Variants in PRDM16 observed in about 807,000 individuals in gnomAD.
PRDM16 encodes the protein PR/SET domain 16.
Under a neutral mutation model 110.6 loss-of-function variants are expected in PRDM16, and 23 were observed. That is an observed-to-expected ratio of 0.21 (90% confidence interval 0.15 to 0.29). The LOEUF is 0.29. PRDM16 is among the 10% of genes least tolerant of loss of function. PRDM16 has a pLI of 1.00. For missense variants in PRDM16, 1,615 were observed against 1,794.3 expected (o/e 0.90, Z 1.81); for synonymous variants, 799 against 781.8 (o/e 1.02, Z -0.37).
intron 3 of PRDM16, among the ~76,000 whole-genome samples, chr1:3,270,513 G>A (rs1340788372): frequency 6.6e-6 from 1 of 151,782 alleles, no homozygotes; most frequent in African/African-American, 2.4e-5. Context: ...CAGTCCCGGG[G>A]GAGGACAATC....
intron 1 of PRDM16, among the ~76,000 whole-genome samples, chr1:3,075,867 G>A (rs1641886660): frequency 6.6e-6 from 1 of 152,210 alleles, no homozygotes; most frequent in Non-Finnish European, 1.5e-5. Flanking sequence ...AGGCTCATCT[G>A]CGATCCACCT....
intron 1 of PRDM16, among the ~76,000 whole-genome samples, chr1:3,178,869 G>A (rs961120144): frequency 1.3e-4 from 20 of 152,148 alleles, no homozygotes; most frequent in African/African-American, 2.9e-4. Flanking sequence ...GGCTGCTGGC[G>A]GGGACTCCAC....
At chr1:3,283,385 T>TCTCCCTCC (rs1036886551) in intron 3 of PRDM16, among the ~76,000 whole-genome samples, 1 of 151,858 alleles carries the variant, frequency 6.6e-6, no homozygotes, top group African/African-American at 2.4e-5. Context: ...TCTGTCCCTC[T>TCTCCCTCC]CTCCCTCCCT....
intron 1 of PRDM16, among the ~76,000 whole-genome samples, chr1:3,091,819 C>T (rs1470531251): frequency 3.9e-5 from 6 of 152,188 alleles, no homozygotes; most frequent in African/African-American, 1.4e-4. Context: ...CCCCCACTTG[C>T]CCCGACTCTG....
At chr1:3,168,563 G>A (rs1643988452) in intron 1 of PRDM16, among the ~76,000 whole-genome samples, 1 of 148,034 alleles carries the variant, frequency 6.8e-6, no homozygotes, top group Non-Finnish European at 1.5e-5. Context: ...AAATGGACCC[G>A]CAGCTATTCC....
intron 1 of PRDM16, among the ~76,000 whole-genome samples, chr1:3,085,302 C>T (rs1030091214): frequency 1.3e-5 from 2 of 152,200 alleles, no homozygotes; most frequent in Non-Finnish European, 2.9e-5. Flanking sequence ...GCTTGCTGGG[C>T]TGGGATCATC....
chr1:3,373,997 G>T (rs1319298345), intron 3 of PRDM16, among the ~76,000 whole-genome samples: 1 of 152,212 alleles, frequency 6.6e-6, no homozygotes, highest in Non-Finnish European at 1.5e-5. Context: ...GGCCTGCTTC[G>T]GTGTCCTCCT....
intron 1 of PRDM16, among the ~76,000 whole-genome samples, chr1:3,095,043 C>T (rs938363971): frequency 7.2e-5 from 11 of 152,224 alleles, no homozygotes; most frequent in African/African-American, 9.6e-5. Flanking sequence ...GCCTACTCCC[C>T]GGTTGGGGAG....
At chr1:3,277,493 C>T (rs1287927883) in intron 3 of PRDM16, among the ~76,000 whole-genome samples, 1 of 152,256 alleles carries the variant, frequency 6.6e-6, no homozygotes, top group Admixed American at 6.5e-5. Context: ...TCTGTGAAGA[C>T]AGGATCCCAG....
chr1:3,353,865 C>G lies in PRDM16; in HGVS notation c.439-31287C>G, dbSNP rs1642541777. Among the ~76,000 whole-genome samples, 1 of 152,078 alleles carries G rather than the reference C, an allele frequency of 6.6e-6. No homozygotes were observed. Among genetic ancestry groups the G allele is most frequent in the African/African-American group, 2.4e-5 (1 of 41,426 alleles). ...TGATGACAGGCGCAGCTGGGAGCAG[C>G]TTGGTAGACCTAGGGGGTCTTTCTA... On this transcript the variant is annotated intron_variant, in intron 3 of 16. Coordinates refer to ENST00000270722, the MANE Select transcript of PRDM16 (RefSeq NM_022114.4). This position sits in a 1 kb window ranked among gnomAD's most constrained non-coding sequence, Gnocchi z 5.4.
rs968667545 is a variant in PRDM16, at chr1:3,091,138, G to A, written c.37+21842G>A. Among the ~76,000 whole-genome samples, 5 of 152,300 alleles carry A rather than the reference G, an allele frequency of 3.3e-5. No individual in the cohort carries two copies. In the East Asian group the frequency reaches 7.7e-4, roughly 24 times the overall value. Reference sequence around the variant, plus strand: ...CACAAATGGAAAGACAGGAATGACCGCTAACAGGGAGACCAAATCCTGTCC... The same window carrying A: ...CACAAATGGAAAGACAGGAATGACCACTAACAGGGAGACCAAATCCTGTCC... On this transcript the variant is annotated intron_variant, in intron 1 of 16. Coordinates refer to ENST00000270722, the MANE Select transcript of PRDM16 (RefSeq NM_022114.4).
intron 1 of PRDM16, among the ~76,000 whole-genome samples, chr1:3,096,672 G>C (rs541573675): frequency 3.9e-5 from 6 of 152,312 alleles, no homozygotes; most frequent in Admixed American, 3.9e-4. Context: ...GACCAGCGAG[G>C]AAGACGGCCC....
rs1557489962 is a variant in PRDM16 at position 3,157,440 on chromosome 1, A to C, written c.38-28685A>C. ...ATCCCATTAAAAAAAAAAAAAAAAA[A>C]AACACCTTTGTGGGGGCTGGGGGTT... On this transcript the variant is annotated intron_variant, in intron 1 of 16. Transcript: ENST00000270722. This position sits in a 1 kb window ranked among gnomAD's most constrained non-coding sequence, Gnocchi z 4.8. 6.8e-6 allele frequency among the ~76,000 whole-genome samples: 1 copy of C among 146,176 alleles called. No homozygotes were observed. Among genetic ancestry groups the C allele is most frequent in the Non-Finnish European group, 1.5e-5 (1 of 66,542 alleles).
rs563572469 is a variant in PRDM16 at position 3,135,850 on chromosome 1, C to T, written c.38-50275C>T. Among the ~76,000 whole-genome samples, 24 of 152,324 alleles carry T rather than the reference C, an allele frequency of 1.6e-4. No homozygotes were observed. The South Asian group carries it at 4.4e-3, about 28-fold the overall frequency. On this transcript the variant is annotated intron_variant, in intron 1 of 16. Coordinates refer to ENST00000270722, the MANE Select transcript of PRDM16 (RefSeq NM_022114.4). Reference sequence around the variant, plus strand: ...TGGCTCCCTGGGCCGGGTCTCCCTGCGCCCTCCCCTGAGACTCCTCTTCAA... The same window carrying T: ...TGGCTCCCTGGGCCGGGTCTCCCTGTGCCCTCCCCTGAGACTCCTCTTCAA...
intron 1 of PRDM16, among the ~76,000 whole-genome samples, chr1:3,171,543 C>T (rs990592289): frequency 1.3e-5 from 2 of 152,174 alleles, no homozygotes; most frequent in African/African-American, 2.4e-5. Context: ...CCTTCCTCTG[C>T]CCTCGGTATC....
intron 3 of PRDM16, among the ~76,000 whole-genome samples, chr1:3,289,755 C>T (rs1302529273): frequency 6.6e-6 from 1 of 152,192 alleles, no homozygotes; most frequent in African/African-American, 2.4e-5. Context: ...ACAGCCACGG[C>T]CTTCACAGCT....
chr1:3,423,067 A>T (rs1036337901), intron 12 of PRDM16, among the ~76,000 whole-genome samples: 1 of 152,204 alleles, frequency 6.6e-6, no homozygotes. Flanking sequence ...CCTCCGGCAA[A>T]GGTTGGAAGG....
chr1:3,180,275 C>A (rs868228586), intron 1 of PRDM16, among the ~76,000 whole-genome samples: 2 of 151,988 alleles, frequency 1.3e-5, no homozygotes, highest in African/African-American at 2.4e-5. Context: ...GAAGTATGTT[C>A]TGCTGTAAAC....
intron 1 of PRDM16, among the ~76,000 whole-genome samples, chr1:3,182,502 A>G (rs974654923): frequency 1.3e-5 from 2 of 152,030 alleles, no homozygotes; most frequent in African/African-American, 2.4e-5. Flanking sequence ...GTCTCTTGGG[A>G]GATGGTGGGG....
Sources: allele counts gnomAD v4.1 joint callset (sites outside exome capture counted in the v4.1 genomes callset), GRCh38; gene constraint gnomAD v4.1.1; non-coding constraint Gnocchi (gnomAD v3.1); transcripts MANE v1.5; gene names NCBI Gene and HGNC (gene_info 2026-07-23, HGNC 2026-07-21).